Variants in USH2A observed in about 807,000 individuals in gnomAD.
USH2A encodes usherin.
A neutral mutation model predicts 538.9 loss-of-function variants in USH2A; 443 were observed. The observed-to-expected ratio is 0.82, with a 90% CI of 0.76 to 0.89. The LOEUF is 0.89. Ranked by LOEUF, USH2A falls within the 40% of genes least tolerant of loss-of-function variation. The pLI, the probability that USH2A is intolerant of heterozygous loss-of-function variation, is 0.00. For missense variants in USH2A, 6,633 were observed against 6,324.8 expected (o/e 1.05, Z -1.65); for synonymous variants, 2,413 against 2,273.5 (o/e 1.06, Z -1.75).
chr1:215,954,709 T>TATA (rs1436588666), intron 37 of USH2A, among the ~76,000 whole-genome samples: 1 of 151,506 alleles, frequency 6.6e-6, no homozygotes, highest in Admixed American at 6.6e-5. Context: ...AAACTTGAAG[T>TATA]ATAATAATAA....
Position 215,993,187 on chromosome 1 carries a change from T to C in USH2A, c.6658-20A>G. On this transcript the variant is annotated intron_variant, in intron 34 of 71. Coordinates refer to ENST00000307340, the MANE Select transcript of USH2A (RefSeq NM_206933.4). ...GCAAGCCTAAACAGAGATGCAAAAA[T>C]GCTCATTTCACTCTTGGTCCCAAAA... 1.2e-6 allele frequency: 2 copies of C among 1,614,020 alleles called. No individual in the cohort carries two copies. Among genetic ancestry groups the C allele is most frequent in the East Asian group, 4.5e-5 (2 of 44,868 alleles).
chr1:216,175,854 G>C (rs1460222487), intron 20 of USH2A, among the ~76,000 whole-genome samples: 1 of 152,090 alleles, frequency 6.6e-6, no homozygotes, highest in African/African-American at 2.4e-5. Flanking sequence ...CAGTTTCTGT[G>C]CCCGTTGGTT....
In USH2A at chr1:215,981,330, T is replaced by C. The variant is rs188991185; in HGVS notation, c.6806-10554A>G. ...AGTTTTCTGATGGTTACATGTGTTCTAAATATCATCTCTCTTATTATTTAT... is the reference window on the plus strand; with the variant it reads ...AGTTTTCTGATGGTTACATGTGTTCCAAATATCATCTCTCTTATTATTTAT... On this transcript the variant is annotated intron_variant, in intron 35 of 71. Transcript: ENST00000307340. Among the ~76,000 whole-genome samples the C allele has an allele frequency of 7.9e-4, 120 of 152,278 alleles. 2 individuals carry two copies. Among genetic ancestry groups the C allele is most frequent in the Admixed American group, 7.1e-3 (109 of 15,304 alleles).
At chr1:215,691,989 A>G (rs568371959) in intron 61 of USH2A, among the ~76,000 whole-genome samples, 2 of 152,300 alleles carry the variant, frequency 1.3e-5, no homozygotes, top group South Asian at 2.1e-4. Flanking sequence ...GCCGAAAGGA[A>G]ATCAGTAATA....
chr1:216,190,192 A>T, intron 20 of USH2A, 31 bp downstream of exon 20: 1 of 1,611,436 alleles, frequency 6.2e-7, no homozygotes, highest in Non-Finnish European at 8.5e-7. Context: ...GATAGGCAAC[A>T]GATTTTTCAT....
chr1:216,214,945 A>G (rs1349658455), intron 15 of USH2A, among the ~76,000 whole-genome samples: 1 of 152,040 alleles, frequency 6.6e-6, no homozygotes, highest in East Asian at 1.9e-4. Context: ...TACAGAAAAT[A>G]GGACTATTTA....
At chr1:216,209,420 T>G (rs2035190618) in intron 15 of USH2A, among the ~76,000 whole-genome samples, 1 of 152,146 alleles carries the variant, frequency 6.6e-6, no homozygotes, top group African/African-American at 2.4e-5. Context: ...ACATAGAATC[T>G]TGGAGGACAG....
At chr1:216,129,064 G>C (rs2033316134) in intron 21 of USH2A, among the ~76,000 whole-genome samples, 1 of 151,940 alleles carries the variant, frequency 6.6e-6, no homozygotes, top group Non-Finnish European at 1.5e-5. Flanking sequence ...TTCTATCCAA[G>C]CTGCTGCAAA....
chr1:215,951,032 G>T (rs1383489266), intron 37 of USH2A, among the ~76,000 whole-genome samples: 3 of 152,032 alleles, frequency 2.0e-5, no homozygotes, highest in Admixed American at 1.3e-4. Flanking sequence ...TTTTTGAAGG[G>T]TTTTTTGTGT....
chr1:216,418,721 A>T, intron 2 of USH2A, 42 bp from the exon 3 acceptor site: 1 of 1,607,346 alleles, frequency 6.2e-7, no homozygotes, highest in Non-Finnish European at 8.5e-7. Context: ...TCAGCATCCA[A>T]CCAAAAAGAC....
chr1:216,181,561 C>A (rs1002561398), intron 20 of USH2A, among the ~76,000 whole-genome samples: 29 of 152,018 alleles, frequency 1.9e-4, no homozygotes, highest in African/African-American at 7.0e-4. Flanking sequence ...ATTGTTCTGG[C>A]GATCACAATA....
chr1:216,320,244 T>G (rs567920493), intron 9 of USH2A, among the ~76,000 whole-genome samples: 2 of 152,148 alleles, frequency 1.3e-5, no homozygotes, highest in South Asian at 4.2e-4. Flanking sequence ...CACGGCTGTT[T>G]AAAAGAGGCT....
intron 48 of USH2A, among the ~76,000 whole-genome samples, chr1:215,814,735 G>A (rs914517801): frequency 2.2e-4 from 33 of 152,102 alleles, no homozygotes; most frequent in Non-Finnish European, 1.0e-4. Flanking sequence ...AGAACTGTGA[G>A]TCAAACCTCT....
intron 3 of USH2A, among the ~76,000 whole-genome samples, chr1:216,398,697 T>C (rs2039258790): frequency 2.6e-5 from 4 of 152,086 alleles, no homozygotes; most frequent in Non-Finnish European, 4.4e-5. Context: ...TTCACAGTGG[T>C]GTTGACAGGG....
chr1:216,002,571 A>T (rs1031949769), intron 32 of USH2A, among the ~76,000 whole-genome samples: 1 of 152,186 alleles, frequency 6.6e-6, no homozygotes, highest in Non-Finnish European at 1.5e-5. Context: ...TCCAGCCAGA[A>T]ATTATATTCC....
At chr1:215,853,881 C>G (rs1664086866) in intron 44 of USH2A, among the ~76,000 whole-genome samples, 1 of 152,174 alleles carries the variant, frequency 6.6e-6, no homozygotes, top group Non-Finnish European at 1.5e-5. Context: ...TTGGTCAAAG[C>G]CATTCAACAA....
intron 58 of USH2A, among the ~76,000 whole-genome samples, chr1:215,755,571 T>G (rs1198384082): frequency 6.6e-6 from 1 of 152,232 alleles, no homozygotes; most frequent in Non-Finnish European, 1.5e-5. Context: ...GAAATCCTTC[T>G]AGACACCAGG....
At chr1:216,111,137 A>G (rs440921) in intron 21 of USH2A, among the ~76,000 whole-genome samples, 1 of 152,138 alleles carries the variant, frequency 6.6e-6, no homozygotes, top group Admixed American at 6.6e-5. Flanking sequence ...GGCAAGGTAA[A>G]CACTTGAATC....
At chr1:215,831,965 A>G (rs1204474498) in intron 47 of USH2A, among the ~76,000 whole-genome samples, 1 of 152,036 alleles carries the variant, frequency 6.6e-6, no homozygotes, top group Non-Finnish European at 1.5e-5. Flanking sequence ...AAATGAAAGA[A>G]TAAAATCAAT....
Sources: allele counts gnomAD v4.1 joint callset (sites outside exome capture counted in the v4.1 genomes callset), GRCh38; gene constraint gnomAD v4.1.1; transcripts MANE v1.5; gene names NCBI Gene and HGNC (gene_info 2026-07-23, HGNC 2026-07-21).